The following VN1R1 variants were observed in gnomAD, a reference collection of about 807,000 sequenced individuals.
The protein encoded by VN1R1 is vomeronasal 1 receptor 1.
For synonymous variants in VN1R1, 168 were observed against 149.8 expected (o/e 1.12, Z -0.89); for missense variants, 391 against 410.3 (o/e 0.95, Z 0.41).
rs779478958 is a variant in VN1R1, at chr19:57,455,837, C to T, written c.650G>A (p.Ser217Asn). The T allele has an allele frequency of 5.0e-6, 8 of 1,614,050 alleles. No individual in the cohort carries two copies. Among genetic ancestry groups the T allele is most frequent in the Non-Finnish European group, 6.8e-6 (8 of 1,180,042 alleles). The change falls in exon 1 of 1, where the codon AGC becomes AAC. Residue 217 changes from serine to asparagine, a missense_variant. Transcript: ENST00000321039. The stretch of plus-strand genomic sequence containing the variant: ...AAAATATAAGACTGCATGTAATGAG[C>T]TAAATCTCTTTGATGCTTTGTAAGA... Reference protein sequence around the residue: ...YCSYKASKRFSSLHAVLYFSP... With the variant: ...YCSYKASKRFNSLHAVLYFSP...
At chr19:57,456,113 AAGAC>A in the VN1R1 span, 3 of 1,614,058 alleles carry the variant, frequency 1.9e-6, no homozygotes, top group Non-Finnish European at 2.5e-6. Context: ...GTGATAATAA[AAGAC>A]AAACTTACAT....
At position 57,457,062 on chromosome 19, in the gene VN1R1, C is replaced by T. The variant is rs935145665; in HGVS notation, c.-576G>A. 1 of 151,464 alleles carries T rather than the reference C, an allele frequency of 6.6e-6. No individual in the cohort carries two copies. The highest frequency in any genetic ancestry group is 2.4e-5 in the African/African-American group (1 of 41,188). The allele number at this position is 151,464 out of a possible 1,614,324, so 9.4% of individuals were successfully genotyped here. Reference sequence around the variant, plus strand: ...CTAATAATACAAAATACTAATAATACAAAAATTAGCCGGGCATGGCGGCGC... The same window carrying T: ...CTAATAATACAAAATACTAATAATATAAAAATTAGCCGGGCATGGCGGCGC... On this transcript the variant is annotated 5_prime_UTR_variant, in exon 1 of 1. Transcript: ENST00000321039.
chr19:57,456,080 AG>A, the VN1R1 span: 1 of 1,614,202 alleles, frequency 6.2e-7, no homozygotes, highest in Non-Finnish European at 8.5e-7. Context: ...GATGGTGCTG[AG>A]GGAAACTCTT....
chr19:57,456,575 G>T lies in VN1R1; in HGVS notation c.-89C>A. The T allele has an allele frequency of 8.9e-7, 1 of 1,118,022 alleles. No individual in the cohort carries two copies. The highest frequency in any genetic ancestry group is 1.2e-6 in the Non-Finnish European group (1 of 807,322). The allele number at this position is 1,118,022 out of a possible 1,614,324, so 69.3% of individuals were successfully genotyped here. The stretch of plus-strand genomic sequence containing the variant: ...TCCAACTGCAGAGAAGCAGGTGAAT[G>T]AATGAGGGCTCAACCGCACAACAGA... On this transcript the variant is annotated 5_prime_UTR_variant, in exon 1 of 1. Coordinates refer to ENST00000321039, the MANE Select transcript of VN1R1 (RefSeq NM_020633.4).
Position 57,455,591 on chromosome 19 carries a change from A to C in VN1R1, c.896T>G (p.Val299Gly), listed in dbSNP as rs770474263. 1 of 1,614,118 alleles carries C rather than the reference A, an allele frequency of 6.2e-7. No individual in the cohort carries two copies. The highest frequency in any genetic ancestry group is 1.3e-5 in the African/African-American group (1 of 74,942). ...CACTATCCACTGGCCTGGGTTTGCAACTACAGTTGTCCAAATTGTCAGAAA... is the reference window on the plus strand; with the variant it reads ...CACTATCCACTGGCCTGGGTTTGCACCTACAGTTGTCCAAATTGTCAGAAA... ...HSFLTIWTTV[V>G]ANPGQWIVTN... The change falls in exon 1 of 1, where the codon GTT becomes GGT. Residue 299 changes from valine (V) to glycine (G), a missense_variant. Physicochemically the swap from Val to Gly is moderately radical, Grantham distance 109. Coordinates refer to ENST00000321039, the MANE Select transcript of VN1R1 (RefSeq NM_020633.4).
the VN1R1 span, chr19:57,455,637 CAAAA>C: frequency 1.2e-6 from 2 of 1,613,938 alleles, no homozygotes; most frequent in Non-Finnish European, 1.7e-6. Context: ...GAATAGAAAA[CAAAA>C]AAGGAGCTCA....
chr19:57,455,010 T>A lies in VN1R1; in HGVS notation c.*415A>T, dbSNP rs2123123914. 6.1e-6 allele frequency: 1 copy of A among 162,988 alleles called. No homozygotes were observed. The highest frequency in any genetic ancestry group is 1.8e-4 in the East Asian group (1 of 5,550). 10.1% of individuals were successfully genotyped at this position (162,988 alleles called of 1,614,324 possible). A position where few individuals can be genotyped will look rare whatever the true frequency, so the allele number is the denominator to read the frequency against. On this transcript the variant is annotated 3_prime_UTR_variant, in exon 1 of 1. Coordinates refer to ENST00000321039, the MANE Select transcript of VN1R1 (RefSeq NM_020633.4). ...CCTCAGCCTCCCAAAACGGTGGGAT[T>A]ACAGGCGTGAGCCACTGTGCCCGGC... is the stretch of plus-strand genomic sequence containing the variant.
rs1392223173 is a variant in VN1R1, at chr19:57,456,227, A to C, written c.260T>G (p.Leu87Arg). 6.2e-7 allele frequency: 1 copy of C among 1,614,236 alleles called. No individual in the cohort carries two copies. Among genetic ancestry groups the C allele is most frequent in the South Asian group, 1.1e-5 (1 of 91,086 alleles). ...GHKLRPTDLILSQLALANSMV... is the reference protein window; with the variant it reads ...GHKLRPTDLIRSQLALANSMV... ...GGAGTTAGCCAAGGCCAGTTGGCTG[A>C]GAATCAAGTCCGTGGGTCTCAGCTT... The change falls in exon 1 of 1, where the codon CTC (leucine) becomes CGC (arginine). Residue 87 changes from leucine to arginine, a missense_variant. By Grantham distance (102) the Leu-to-Arg change is moderately radical. Coordinates refer to ENST00000321039, the MANE Select transcript of VN1R1 (RefSeq NM_020633.4).
Position 57,455,248 on chromosome 19 carries a change from A to C in VN1R1, c.*177T>G. ...TGAAGGACTTAACACAGTTATATAG[A>C]GTGTTCTTTGTGTAACAGTATCCAT... On this transcript the variant is annotated 3_prime_UTR_variant, in exon 1 of 1. Coordinates refer to ENST00000321039, the MANE Select transcript of VN1R1 (RefSeq NM_020633.4). 2 of 623,758 alleles carry C rather than the reference A, an allele frequency of 3.2e-6. No homozygotes were observed. The highest frequency in any genetic ancestry group is 4.1e-5 in the South Asian group (2 of 48,588). 38.6% of individuals were successfully genotyped at this position (623,758 alleles called of 1,614,324 possible).
Position 57,455,966 on chromosome 19 carries a change from A to G in VN1R1, c.521T>C (p.Leu174Pro). The G allele has an allele frequency of 6.2e-7, 1 of 1,614,246 alleles. No homozygotes were observed. Residue 174 changes from leucine to proline, a missense_variant, in exon 1 of 1, where the codon CTC becomes CCC. By Grantham distance (98) the Leu-to-Pro change is moderately conservative (BLOSUM62 -3). Coordinates refer to ENST00000321039, the MANE Select transcript of VN1R1 (RefSeq NM_020633.4). ...SPRFIDFCCLLCWAPHVLMNA... is the reference protein window; with the variant it reads ...SPRFIDFCCLPCWAPHVLMNA... ...CATCAAGACATGGGGGGCCCAGCAG[A>G]GGAGACAACAGAAGTCAATAAACCT...
Position 57,455,850 on chromosome 19 carries a change from A to T in VN1R1, c.637T>A (p.Ser213Thr). ...NNYGYCSYKA[S>T]KRFSSLHAVL... The stretch of plus-strand genomic sequence containing the variant: ...GCATGTAATGAGCTAAATCTCTTTG[A>T]TGCTTTGTAAGAACAGTATCCATAA... Residue 213 changes from serine (S) to threonine (T), a missense_variant, in exon 1 of 1, where the codon TCA (serine) becomes ACA (threonine). By Grantham distance (58) the Ser-to-Thr change is moderately conservative. Transcript: ENST00000321039. 1 of 1,614,182 alleles carries T rather than the reference A, an allele frequency of 6.2e-7. No individual in the cohort carries two copies. Among genetic ancestry groups the T allele is most frequent in the Non-Finnish European group, 8.5e-7 (1 of 1,180,036 alleles).
rs750513310 is a variant in VN1R1 at position 57,455,656 on chromosome 19, G to T, written c.831C>A (p.Val277=). The T allele has an allele frequency of 2.5e-6, 4 of 1,614,132 alleles. No homozygotes were observed. Among genetic ancestry groups the T allele is most frequent in the Non-Finnish European group, 3.4e-6 (4 of 1,180,018 alleles). Residue 277 remains valine (V), a synonymous_variant, in exon 1 of 1, where the codon GTC becomes GTA. Coordinates refer to ENST00000321039, the MANE Select transcript of VN1R1 (RefSeq NM_020633.4). ...AGAAAACAAAAAAGGAGCTCACCAG[G>T]ACCATGATGGTGTGTGTGGCTCTGG... ...QEARATHTIM[V]LVSSFFVFYS...
rs903410508 is a variant in VN1R1, at chr19:57,454,980, G to A, written c.*445C>T. Reference sequence around the variant, plus strand: ...TGAGTGGATCACTTGAGGCATTTGGGAGTGCCTCAGCCTCCCAAAACGGTG... The same window carrying A: ...TGAGTGGATCACTTGAGGCATTTGGAAGTGCCTCAGCCTCCCAAAACGGTG... On this transcript the variant is annotated 3_prime_UTR_variant, in exon 1 of 1. Transcript: ENST00000321039. The A allele has an allele frequency of 6.3e-6, 1 of 157,996 alleles. No homozygotes were observed. The highest frequency in any genetic ancestry group is 1.4e-5 in the Non-Finnish European group (1 of 71,944). 9.8% of individuals were successfully genotyped at this position (157,996 alleles called of 1,614,324 possible).
the VN1R1 span, chr19:57,455,857 G>C: frequency 6.2e-7 from 1 of 1,614,190 alleles, no homozygotes; most frequent in Non-Finnish European, 8.5e-7. Flanking sequence ...TTGATGCTTT[G>C]TAAGAACAGT....
In VN1R1 at chr19:57,455,763, T is replaced by C. The variant is rs1301303683; in HGVS notation, c.724A>G (p.Met242Val). The C allele has an allele frequency of 5.0e-6, 8 of 1,613,980 alleles. No homozygotes were observed. The South Asian group carries it at 5.5e-5, about 11-fold the overall frequency. Reference sequence around the variant, plus strand: ...TTGTGTCTGTAGAGGAAGAAGACCATGGAGCCACTGGCCCAGACCATGAAG... The same window carrying C: ...TTGTGTCTGTAGAGGAAGAAGACCACGGAGCCACTGGCCCAGACCATGAAG... ...LGFMVWASGS[M>V]VFFLYRHKQQ... Residue 242 changes from methionine (M) to valine (V), a missense_variant, in exon 1 of 1, where the codon ATG (methionine) becomes GTG (valine). Coordinates refer to ENST00000321039, the MANE Select transcript of VN1R1 (RefSeq NM_020633.4).
chr19:57,455,474 GCAAAA>G, the VN1R1 span: 1 of 1,613,730 alleles, frequency 6.2e-7, no homozygotes, highest in Non-Finnish European at 8.5e-7. Flanking sequence ...TGTCCTGCAG[GCAAAA>G]CAGAACTGAG....
rs1190599988 is a variant in VN1R1, at chr19:57,455,250, T to G, written c.*175A>C. ...AAGGACTTAACACAGTTATATAGAG[T>G]GTTCTTTGTGTAACAGTATCCATGA... is the stretch of plus-strand genomic sequence containing the variant. On this transcript the variant is annotated 3_prime_UTR_variant, in exon 1 of 1. Coordinates refer to ENST00000321039, the MANE Select transcript of VN1R1 (RefSeq NM_020633.4). 1.6e-6 allele frequency: 1 copy of G among 626,414 alleles called. No homozygotes were observed. The highest frequency in any genetic ancestry group is 1.8e-5 in the African/African-American group (1 of 54,336). The allele number at this position is 626,414 out of a possible 1,614,324, so 38.8% of individuals were successfully genotyped here. A position where few individuals can be genotyped will look rare whatever the true frequency, so the allele number is the denominator to read the frequency against.
At position 57,455,718 on chromosome 19, in the gene VN1R1, G is replaced by T. The variant is rs774824974; in HGVS notation, c.769C>A (p.His257Asn). The T allele has an allele frequency of 1.2e-6, 2 of 1,614,174 alleles. No individual in the cohort carries two copies. Among genetic ancestry groups the T allele is most frequent in the Non-Finnish European group, 1.7e-6 (2 of 1,180,006 alleles). Reference sequence around the variant, plus strand: ...GGTCTGCAGGAGAGTCTGTTGCTGTGATTGTGTTGGACTTGCTGCTTGTGT... The same window carrying T: ...GGTCTGCAGGAGAGTCTGTTGCTGTTATTGTGTTGGACTTGCTGCTTGTGT... ...YRHKQQVQHN[H>N]SNRLSCRPSQ... The change falls in exon 1 of 1, where the codon CAC becomes AAC. Residue 257 changes from histidine to asparagine, a missense_variant. Coordinates refer to ENST00000321039, the MANE Select transcript of VN1R1 (RefSeq NM_020633.4).
In VN1R1 at chr19:57,456,204, A is replaced by G; in HGVS notation, c.283T>C (p.Ser95Pro). ...ATCCCTTTAAAGAAAAGGACCATGGAGTTAGCCAAGGCCAGTTGGCTGAGA... is the reference window on the plus strand; with the variant it reads ...ATCCCTTTAAAGAAAAGGACCATGGGGTTAGCCAAGGCCAGTTGGCTGAGA... The part of the protein sequence containing the change: ...LILSQLALAN[S>P]MVLFFKGIPQ... The change falls in exon 1 of 1, where the codon TCC (serine) becomes CCC (proline). Residue 95 changes from serine (S) to proline (P), a missense_variant. Coordinates refer to ENST00000321039, the MANE Select transcript of VN1R1 (RefSeq NM_020633.4). 2 of 1,614,234 alleles carry G rather than the reference A, an allele frequency of 1.2e-6. No individual in the cohort carries two copies. Among genetic ancestry groups the G allele is most frequent in the Non-Finnish European group, 1.7e-6 (2 of 1,180,046 alleles).
Sources: gnomAD v4.1 joint callset for allele counts on GRCh38, gnomAD v4.1.1 for gene constraint, MANE v1.5 for transcripts, NCBI Gene and HGNC (gene_info 2026-07-23, HGNC 2026-07-21) for gene names.